CPNE4: variants seen among roughly 807,000 people sequenced by gnomAD.
The protein encoded by CPNE4 is copine 4, also known as copine-4.
Under a neutral mutation model 67.9 loss-of-function variants are expected in CPNE4, and 25 were observed. That is an observed-to-expected ratio of 0.37 (90% CI 0.27 to 0.51). The LOEUF is 0.51. CPNE4 is among the 20% of genes least tolerant of loss of function. The pLI is 0.93. For synonymous variants in CPNE4, 242 were observed against 244.9 expected, an observed-to-expected ratio of 0.99 and a Z score of 0.11; for missense variants, 464 against 690.8, an observed-to-expected ratio of 0.67 and a Z score of 3.68.
intron 2 of CPNE4, among the ~76,000 whole-genome samples, chr3:131,884,407 C>G (rs1175521002): frequency 1.3e-5 from 2 of 152,092 alleles, no homozygotes; most frequent in Non-Finnish European, 2.9e-5. Flanking sequence ...GATGGAGATG[C>G]TTGTTTAGAA....
chr3:131,984,379 A>T (rs887914224), intron 1 of CPNE4, among the ~76,000 whole-genome samples: 3 of 152,214 alleles, frequency 2.0e-5, no homozygotes, highest in Non-Finnish European at 4.4e-5. Context: ...CACCAAAAAG[A>T]GCAGTGCTTG....
chr3:131,799,047 G>A (rs1287912230), intron 2 of CPNE4, among the ~76,000 whole-genome samples: 1 of 151,856 alleles, frequency 6.6e-6, no homozygotes, highest in Non-Finnish European at 1.5e-5. Flanking sequence ...CTCCTGACAA[G>A]GAATTTCCAA....
At chr3:131,873,932 C>T (rs1050555257) in intron 2 of CPNE4, among the ~76,000 whole-genome samples, 2 of 152,190 alleles carry the variant, frequency 1.3e-5, no homozygotes, top group East Asian at 3.8e-4. Flanking sequence ...TAACCTTCCC[C>T]TCCACCTCCA....
chr3:131,675,125 T>C (rs1369285436), intron 6 of CPNE4, among the ~76,000 whole-genome samples: 2 of 152,146 alleles, frequency 1.3e-5, no homozygotes, highest in Non-Finnish European at 2.9e-5. Context: ...GTTTCCAAAA[T>C]CCCTCTTGTT....
chr3:131,930,509 T>G (rs927252914), intron 1 of CPNE4, among the ~76,000 whole-genome samples: 1 of 152,112 alleles, frequency 6.6e-6, no homozygotes, highest in Non-Finnish European at 1.5e-5. Flanking sequence ...ATGGGACAGA[T>G]GTATAATTGT....
At chr3:131,602,280 C>T (rs12107131) in intron 7 of CPNE4, among the ~76,000 whole-genome samples, 8 of 152,114 alleles carry the variant, frequency 5.3e-5, no homozygotes, top group Non-Finnish European at 1.2e-4. Context: ...ACAACAACAA[C>T]AGAAAACCCA....
At chr3:131,731,838 C>G (rs946313511) in intron 2 of CPNE4, among the ~76,000 whole-genome samples, 1 of 152,102 alleles carries the variant, frequency 6.6e-6, no homozygotes, top group African/African-American at 2.4e-5. Flanking sequence ...TTAGTGAAAT[C>G]CTGTATAATA....
chr3:131,871,124 G>T (rs1253175081), intron 2 of CPNE4, among the ~76,000 whole-genome samples: 1 of 152,088 alleles, frequency 6.6e-6, no homozygotes, highest in East Asian at 1.9e-4. Flanking sequence ...GAGGTATAAA[G>T]TAATCCCTGG....
intron 2 of CPNE4, among the ~76,000 whole-genome samples, chr3:131,783,518 A>G (rs1349561232): frequency 6.6e-6 from 1 of 152,054 alleles, no homozygotes; most frequent in African/African-American, 2.4e-5. Context: ...ACAAAATGAA[A>G]TTCCCAGCAC....
In CPNE4 at chr3:131,806,549, C is replaced by CAA. The variant is rs58302207; in HGVS notation, c.181-82926_181-82925dup. 6.4e-3 allele frequency among the ~76,000 whole-genome samples: 468 copies of CAA among 72,802 alleles called. 9 individuals carry two copies. The highest frequency in any genetic ancestry group is 0.02 in the African/African-American group (430 of 21,352). The allele number at this position is 72,802 out of a possible 152,430, so 47.8% of individuals were successfully genotyped here. On this transcript the variant is annotated intron_variant, in intron 2 of 15. Coordinates refer to ENST00000429747, the MANE Select transcript of CPNE4 (RefSeq NM_130808.3). ...TGGGTGACAGAGTGAGACTCCGTCT[C>CAA]AAAAAAAAAAAAAAAAAAAAGAAAT... is the stretch of plus-strand genomic sequence containing the variant.
At chr3:131,885,515 C>T (rs1336785773) in intron 2 of CPNE4, among the ~76,000 whole-genome samples, 5 of 151,302 alleles carry the variant, frequency 3.3e-5, no homozygotes, top group Admixed American at 2.6e-4. Context: ...TTTTGTTTTT[C>T]ATATTTTAAA....
intron 1 of CPNE4, among the ~76,000 whole-genome samples, chr3:132,027,528 T>C (rs1289637624): frequency 6.6e-6 from 1 of 152,094 alleles, no homozygotes; most frequent in Non-Finnish European, 1.5e-5. Flanking sequence ...TCCAATACAA[T>C]TCACAATCAG....
intron 2 of CPNE4, among the ~76,000 whole-genome samples, chr3:131,884,461 G>T (rs1219777961): frequency 6.6e-6 from 1 of 152,160 alleles, no homozygotes; most frequent in African/African-American, 2.4e-5. Flanking sequence ...CTCTAGGAAG[G>T]GGGCAGAACT....
At chr3:131,861,634 T>A (rs889850908) in intron 2 of CPNE4, among the ~76,000 whole-genome samples, 1 of 152,130 alleles carries the variant, frequency 6.6e-6, no homozygotes, top group Non-Finnish European at 1.5e-5. Context: ...GGTTTCACTA[T>A]GTTGGCCAGG....
intron 1 of CPNE4, among the ~76,000 whole-genome samples, chr3:131,914,423 TTCTC>T (rs970475733): frequency 1.3e-5 from 2 of 152,108 alleles, no homozygotes; most frequent in Non-Finnish European, 2.9e-5. Context: ...TCTCCTCCCC[TTCTC>T]TCTAAGTCCT....
intron 2 of CPNE4, among the ~76,000 whole-genome samples, chr3:131,801,340 TATATATATATGTACC>T (rs1181791750): frequency 7.8e-5 from 8 of 102,920 alleles, no homozygotes; most frequent in Admixed American, 2.3e-4. Flanking sequence ...ACCATACATA[TATATATATATGTACC>T]ATATATATAT....
chr3:131,656,659 C>A (rs182388859), intron 7 of CPNE4, among the ~76,000 whole-genome samples: 163 of 152,288 alleles, frequency 1.1e-3, no homozygotes, highest in Non-Finnish European at 1.9e-3. Context: ...TTACATAGGC[C>A]AGTTCCTTTC....
At position 131,929,595 on chromosome 3, in the gene CPNE4, C is replaced by CTT. The variant is rs1553807516; in HGVS notation, c.-1-24152_-1-24151insAA. Reference sequence around the variant, plus strand: ...AGTGCCCTTGGCCTCCAAGGGAAATCCCTCACAGATCTGCAAGGATCTGCC... The same window carrying CTT: ...AGTGCCCTTGGCCTCCAAGGGAAATCTTCCTCACAGATCTGCAAGGATCTGCC... On this transcript the variant is annotated intron_variant, in intron 1 of 15. Transcript: ENST00000429747. Among the ~76,000 whole-genome samples, 237 of 151,930 alleles carry CTT rather than the reference C, an allele frequency of 1.6e-3. 1 individual carries two copies. Among genetic ancestry groups the CTT allele is most frequent in the Middle Eastern group, 6.8e-3 (2 of 292 alleles).
chr3:132,012,263 G>C (rs2073785586), intron 1 of CPNE4, among the ~76,000 whole-genome samples: 1 of 149,994 alleles, frequency 6.7e-6, no homozygotes, highest in African/African-American at 2.5e-5. Context: ...CTGCCTCCCA[G>C]GTTTAGGAGA....
Sources: allele counts gnomAD v4.1 joint callset (sites outside exome capture counted in the v4.1 genomes callset), GRCh38; gene constraint gnomAD v4.1.1; transcripts MANE v1.5; gene names NCBI Gene and HGNC (gene_info 2026-07-23, HGNC 2026-07-21).